Variants in POMZP3 observed in about 807,000 individuals in gnomAD.
POMZP3 encodes the protein POM121 and ZP3 fusion.
In POMZP3, 10 loss-of-function variants were observed where a neutral mutation model predicts 19.8. The ratio of observed to expected loss-of-function variants is 0.51; its 90% CI spans 0.31 to 0.86. The LOEUF (loss-of-function observed/expected upper bound fraction) is 0.86. Ranked by LOEUF, POMZP3 falls within the 40% of genes least tolerant of loss-of-function variation. The pLI is 0.04. For missense variants in POMZP3, 152 were observed against 228.1 expected (o/e 0.67, Z 2.15); for synonymous variants, 57 against 85.8 (o/e 0.66, Z 1.85).
Position 76,627,070 on chromosome 7 carries a change from C to T in POMZP3, c.-514G>A, listed in dbSNP as rs979162113. The T allele has an allele frequency of 2.2e-6, 3 of 1,333,754 alleles. No homozygotes were observed. Among genetic ancestry groups the T allele is most frequent in the Non-Finnish European group, 3.0e-6 (3 of 1,014,302 alleles). The allele number at this position is 1,333,754 out of a possible 1,614,324, so 82.6% of individuals were successfully genotyped here. ...GGGGCGCGAACCTCGGGGCTCGCGG[C>T]TCAGTCCCCACCAGGCCGCGGTAGT... On this transcript the variant is annotated 5_prime_UTR_variant, in exon 1 of 7. Transcript: ENST00000310842.
intron 1 of POMZP3, 161 bp downstream of exon 1, chr7:76,626,547 G>A (rs1414938292): frequency 2.0e-5 from 13 of 636,354 alleles, no homozygotes; most frequent in Non-Finnish European, 3.4e-5. Flanking sequence ...CCAAGCAAGA[G>A]TCAGAGGCCA....
chr7:76,627,194 ACACTCGCTATCGGCCGCCGC>A lies in POMZP3; in HGVS notation c.-658_-639del. The A allele has an allele frequency of 7.6e-6, 11 of 1,438,464 alleles. 1 individual carries two copies. Among genetic ancestry groups the A allele is most frequent in the Non-Finnish European group, 1.0e-5 (11 of 1,084,592 alleles). The allele number at this position is 1,438,464 out of a possible 1,614,324, so 89.1% of individuals were successfully genotyped here. On this transcript the variant is annotated 5_prime_UTR_variant, in exon 1 of 7. An upstream open reading frame in the 5' UTR gains an earlier in-frame stop. Coordinates refer to ENST00000310842, the MANE Select transcript of POMZP3 (RefSeq NM_012230.5). ...AGAAGCGCCGCCCCGGCCGGCCCTGACACTCGCTATCGGCCGCCGCCGCTCGCCTGCTCCAGCCGCCGCAG... is the reference window on the plus strand; with the variant it reads ...AGAAGCGCCGCCCCGGCCGGCCCTGACGCTCGCCTGCTCCAGCCGCCGCAG...
rs369552609 is a variant in POMZP3 at position 76,624,954 on chromosome 7, A to G, written c.227+568T>C. Among the ~76,000 whole-genome samples, 450 of 149,500 alleles carry G rather than the reference A, an allele frequency of 3.0e-3. 2 individuals are homozygous for G. The highest frequency in any genetic ancestry group is 6.4e-3 in the African/African-American group (264 of 41,152). ...GAGACCATCCTGGCCAACATGGTGA[A>G]ACCCTGTCTCTACTAAAAATACAAA... On this transcript the variant is annotated intron_variant, in intron 3 of 6. Transcript: ENST00000310842.
rs1815033417 is a variant in POMZP3, at chr7:76,610,354, A to C, written c.*12-139T>G. On this transcript the variant is annotated intron_variant, in intron 6 of 6. Transcript: ENST00000310842. ...GCTAATAAACAGTTTCTAGACAAAA[A>C]AACACAGCTTTCTCGGCCAGGTGTG... is the stretch of plus-strand genomic sequence containing the variant. 3 of 1,276,500 alleles carry C rather than the reference A, an allele frequency of 2.4e-6. No individual in the cohort carries two copies. In the African/African-American group the frequency reaches 4.5e-5, roughly 19 times the overall value. The allele number at this position is 1,276,500 out of a possible 1,614,324, so 79.1% of individuals were successfully genotyped here.
rs529339051 is a variant in POMZP3 at position 76,626,541 on chromosome 7, G to C, written c.-152+167C>G. On this transcript the variant is annotated intron_variant, in intron 1 of 6. Transcript: ENST00000310842. ...GTTTTGGCAACACATCTCACACCAA[G>C]CAAGAGTCAGAGGCCAGGAGACGGC... 7.8e-5 allele frequency: 43 copies of C among 551,376 alleles called. No individual in the cohort carries two copies. In the East Asian group the frequency reaches 1.1e-3, roughly 14 times the overall value. The allele number at this position is 551,376 out of a possible 1,614,324, so 34.2% of individuals were successfully genotyped here. A position where few individuals can be genotyped will look rare whatever the true frequency, so the allele number is the denominator to read the frequency against.
intron 6 of POMZP3, among the ~76,000 whole-genome samples, chr7:76,611,024 A>G (rs1476970419): frequency 2.2e-5 from 3 of 139,158 alleles, no homozygotes; most frequent in South Asian, 2.5e-4. Context: ...ACAGGCATGT[A>G]CCACCACGCC....
In POMZP3 at chr7:76,626,987, C is replaced by A; in HGVS notation, c.-431G>T. 7.3e-7 allele frequency: 1 copy of A among 1,378,984 alleles called. No individual in the cohort carries two copies. Among genetic ancestry groups the A allele is most frequent in the Non-Finnish European group, 9.5e-7 (1 of 1,053,640 alleles). 85.4% of individuals were successfully genotyped at this position (1,378,984 alleles called of 1,614,324 possible). ...AGGTTTCCGTTGGCTGTCGACTTGG[C>A]CGGAGGCGAAGCGAACAGTGTTCGC... On this transcript the variant is annotated 5_prime_UTR_variant, in exon 1 of 7. Coordinates refer to ENST00000310842, the MANE Select transcript of POMZP3 (RefSeq NM_012230.5).
Position 76,627,204 on chromosome 7 carries a change from TCGGCCGCCGCCGCTCGCCTGCTC to T in POMZP3, c.-671_-649del. 7.0e-7 allele frequency: 1 copy of T among 1,435,650 alleles called. No homozygotes were observed. The highest frequency in any genetic ancestry group is 9.2e-7 in the Non-Finnish European group (1 of 1,083,702). 88.9% of individuals were successfully genotyped at this position (1,435,650 alleles called of 1,614,324 possible). ...CCCCGGCCGGCCCTGACACTCGCTA[TCGGCCGCCGCCGCTCGCCTGCTC>T]CAGCCGCCGCAGCCGCCGGAGACAT... On this transcript the variant is annotated 5_prime_UTR_variant, in exon 1 of 7. The change creates a premature stop within an existing upstream ORF in the 5' untranslated region. Coordinates refer to ENST00000310842, the MANE Select transcript of POMZP3 (RefSeq NM_012230.5).
At chr7:76,620,381 G>A (rs1237611090) in intron 3 of POMZP3, among the ~76,000 whole-genome samples, 2 of 119,296 alleles carry the variant, frequency 1.7e-5, no homozygotes, top group East Asian at 4.6e-4. Flanking sequence ...TGGGGTAGAG[G>A]GTATTTGCAA....
In POMZP3 at chr7:76,617,261, A is replaced by T. The variant is rs572082308; in HGVS notation, c.345+922T>A. Among the ~76,000 whole-genome samples, 121 of 83,600 alleles carry T rather than the reference A, an allele frequency of 1.4e-3. 45 individuals carry two copies. The Middle Eastern group carries it at 0.024, about 17-fold the overall frequency. The allele number at this position is 83,600 out of a possible 152,430, so 54.8% of individuals were successfully genotyped here. ...GATTATGGGCACGAGCCACCGCACC[A>T]GGCAATTTACTTCTAACCACTTCTA... On this transcript the variant is annotated intron_variant, in intron 4 of 6. Transcript: ENST00000310842.
At chr7:76,619,605 G>T (rs114048828) in intron 3 of POMZP3, among the ~76,000 whole-genome samples, 31 of 145,992 alleles carry the variant, frequency 2.1e-4, no homozygotes, top group African/African-American at 3.6e-4. Context: ...TTTTTTTTTT[G>T]GAACTCCTCA....
intron 3 of POMZP3, among the ~76,000 whole-genome samples, chr7:76,619,068 A>G (rs1301421381): frequency 6.6e-6 from 1 of 152,168 alleles, no homozygotes; most frequent in African/African-American, 2.4e-5. Flanking sequence ...GATTACAGGC[A>G]TGAGCCACCA....
At chr7:76,610,493 A>G (rs1815039499) in intron 6 of POMZP3, among the ~76,000 whole-genome samples, 1 of 151,784 alleles carries the variant, frequency 6.6e-6, no homozygotes. Flanking sequence ...CTCTACTGAA[A>G]ATAAAAAAGT....
In POMZP3 at chr7:76,611,416, G is replaced by A. The variant is rs751852019; in HGVS notation, c.*11+38C>T. 2.0e-6 allele frequency: 3 copies of A among 1,522,736 alleles called. No individual in the cohort carries two copies. The South Asian group carries it at 3.8e-5, about 19-fold the overall frequency. 94.3% of individuals were successfully genotyped at this position (1,522,736 alleles called of 1,614,324 possible). On this transcript the variant is annotated intron_variant, in intron 6 of 6. Transcript: ENST00000310842. ...ACAGCAGGTACCCTCAACTGAGTAA[G>A]GGACAATGAACAGCCTCTTGGCCAT...
At chr7:76,623,771 C>T (rs1319896600) in intron 3 of POMZP3, among the ~76,000 whole-genome samples, 2 of 151,634 alleles carry the variant, frequency 1.3e-5, no homozygotes, top group African/African-American at 2.4e-5. Flanking sequence ...ATTTACACTC[C>T]GGCATGGCTG....
intron 6 of POMZP3, 74 bp from the exon 7 acceptor site, chr7:76,610,289 C>A: frequency 6.9e-7 from 1 of 1,446,772 alleles, no homozygotes. Flanking sequence ...TTTTATTCTG[C>A]CTCAGTGGGC....
chr7:76,610,020 G>C lies in POMZP3; in HGVS notation c.*207C>G. On this transcript the variant is annotated 3_prime_UTR_variant, in exon 7 of 7. Transcript: ENST00000310842. Reference sequence around the variant, plus strand: ...CTTCTTTTATTCGGAAGCAGACACAGGGTGGGAGGCAGTGCGACACCTCCT... The same window carrying C: ...CTTCTTTTATTCGGAAGCAGACACACGGTGGGAGGCAGTGCGACACCTCCT... 1.3e-6 allele frequency: 1 copy of C among 794,292 alleles called. No homozygotes were observed. The highest frequency in any genetic ancestry group is 2.3e-5 in the Admixed American group (1 of 43,122). The allele number at this position is 794,292 out of a possible 1,614,324, so 49.2% of individuals were successfully genotyped here. A position where few individuals can be genotyped will look rare whatever the true frequency, so the allele number is the denominator to read the frequency against.
chr7:76,625,765 C>T, intron 2 of POMZP3, 82 bp from the exon 3 acceptor site: 1 of 1,500,862 alleles, frequency 6.7e-7, no homozygotes, highest in South Asian at 1.2e-5. Context: ...AGCTAACCAA[C>T]AAGCCAAAGT....
intron 2 of POMZP3, 31 bp from the exon 3 acceptor site, chr7:76,625,714 G>T: frequency 6.2e-7 from 1 of 1,605,768 alleles, no homozygotes. Context: ...CTAGCAGTAA[G>T]ATATTTTAAT....
Sources: allele counts gnomAD v4.1 joint callset (sites outside exome capture counted in the v4.1 genomes callset), GRCh38; gene constraint gnomAD v4.1.1; transcripts MANE v1.5; gene names NCBI Gene and HGNC (gene_info 2026-07-23, HGNC 2026-07-21).